PGR: variants seen among roughly 807,000 people sequenced by gnomAD.
PGR encodes nuclear receptor subfamily 3 group C member 3.
PGR carries 25 observed loss-of-function variants against 76.1 expected under a neutral mutation model. That is an observed-to-expected ratio of 0.33 (90% confidence interval 0.24 to 0.46). The LOEUF is 0.46. Ranked by LOEUF, PGR falls within the 20% of genes least tolerant of loss-of-function variation. The pLI is 1.00. For synonymous variants in PGR, 579 were observed against 535.0 expected (o/e 1.08, Z -1.14); for missense variants, 1,172 against 1,225.3 (o/e 0.96, Z 0.65).
chr11:101,046,292 ATTTTTTTTTTTTTTTTTTTTTTTTTT>A (rs540943297), intron 6 of PGR, among the ~76,000 whole-genome samples: 110 of 66,292 alleles, frequency 1.7e-3, no homozygotes, highest in Middle Eastern at 8.6e-3. Flanking sequence ...CGCCTGGCTA[ATTTTTTTTTTTTTTTTTTTTTTTTTT>A]TTTTTTTTTT....
chr11:101,125,838 G>A lies in PGR; in HGVS notation c.1789+169C>T, dbSNP rs760665825. On this transcript the variant is annotated intron_variant, in intron 2 of 7. Coordinates refer to ENST00000325455, the MANE Select transcript of PGR (RefSeq NM_000926.4). ...ATAGTACCCAACCACATTCCATTTT[G>A]AGTATCATAAATAAAAACATATTGT... Among the ~76,000 whole-genome samples the A allele has an allele frequency of 2.7e-4, 41 of 152,032 alleles. 1 individual carries two copies. The highest frequency in any genetic ancestry group is 5.2e-4 in the Admixed American group (8 of 15,266).
intron 2 of PGR, among the ~76,000 whole-genome samples, chr11:101,112,341 A>G (rs1565364490): frequency 6.6e-6 from 1 of 152,132 alleles, no homozygotes; most frequent in Non-Finnish European, 1.5e-5. Context: ...TCCAGTAGAG[A>G]AGGGGAAAAA....
At chr11:101,090,150 A>G (rs1257494042) in intron 3 of PGR, among the ~76,000 whole-genome samples, 2 of 152,036 alleles carry the variant, frequency 1.3e-5, no homozygotes, top group South Asian at 4.1e-4. Context: ...GTGAGCCAAG[A>G]TTGCACCATT....
intron 6 of PGR, among the ~76,000 whole-genome samples, chr11:101,045,862 T>C (rs184032644): frequency 2.0e-4 from 30 of 152,178 alleles, no homozygotes; most frequent in African/African-American, 7.2e-4. Context: ...AGATATCCAG[T>C]GGTGGGATTG....
chr11:101,036,858 A>G lies in PGR; in HGVS notation c.*2258T>C. The G allele has an allele frequency of 5.2e-6, 1 of 192,754 alleles. No homozygotes were observed. The highest frequency in any genetic ancestry group is 1.1e-5 in the Non-Finnish European group (1 of 92,144). The allele number at this position is 192,754 out of a possible 1,614,324, so 11.9% of individuals were successfully genotyped here. ...GGTGGAAATGATTTATATCATCAAA[A>G]TATTGGTTTAATTCAAAGTAACAAG... On this transcript the variant is annotated 3_prime_UTR_variant, in exon 8 of 8. Coordinates refer to ENST00000325455, the MANE Select transcript of PGR (RefSeq NM_000926.4).
chr11:101,085,525 T>TAAAAAAAAAAAA lies in PGR; in HGVS notation c.1906+6223_1906+6234dup, dbSNP rs1212568882. 1.6e-3 allele frequency among the ~76,000 whole-genome samples: 68 copies of TAAAAAAAAAAAA among 42,276 alleles called. 1 individual carries two copies. Among genetic ancestry groups the TAAAAAAAAAAAA allele is most frequent in the Non-Finnish European group, 1.9e-3 (48 of 25,756 alleles). 27.7% of individuals were successfully genotyped at this position (42,276 alleles called of 152,430 possible). A position where few individuals can be genotyped will look rare whatever the true frequency, so the allele number is the denominator to read the frequency against. Reference sequence around the variant, plus strand: ...GACCTAACATCACACCTAGAGGAACTAAAAAAAAAAAAAAAAAAAAAAAAA... The same window carrying TAAAAAAAAAAAA: ...GACCTAACATCACACCTAGAGGAACTAAAAAAAAAAAAAAAAAAAAAAAAAAAAAAAAAAAAA... On this transcript the variant is annotated intron_variant, in intron 3 of 7. Transcript: ENST00000325455.
Position 101,030,863 on chromosome 11 carries a change from G to T in PGR, c.*8253C>A. On this transcript the variant is annotated 3_prime_UTR_variant, in exon 8 of 8. Coordinates refer to ENST00000325455, the MANE Select transcript of PGR (RefSeq NM_000926.4). The stretch of plus-strand genomic sequence containing the variant: ...CCTCCAGCACATAGCAAGAGGAAGT[G>T]AGAGGCTTTCATGATTCAGAAGAAG... 1 of 194,928 alleles carries T rather than the reference G, an allele frequency of 5.1e-6. No homozygotes were observed. Among genetic ancestry groups the T allele is most frequent in the Admixed American group, 6.1e-5 (1 of 16,420 alleles). The allele number at this position is 194,928 out of a possible 1,614,324, so 12.1% of individuals were successfully genotyped here.
chr11:101,050,350 C>T (rs1860043779), intron 5 of PGR, among the ~76,000 whole-genome samples: 2 of 152,028 alleles, frequency 1.3e-5, no homozygotes, highest in Non-Finnish European at 2.9e-5. Context: ...ACTTTAAATA[C>T]CTAAACCAAG....
intron 2 of PGR, among the ~76,000 whole-genome samples, chr11:101,110,381 T>C (rs922751764): frequency 6.6e-6 from 1 of 152,180 alleles, no homozygotes; most frequent in Non-Finnish European, 1.5e-5. Context: ...TGGAAGAAGT[T>C]GATTCAAACC....
At chr11:101,122,341 G>A (rs501732) in intron 2 of PGR, among the ~76,000 whole-genome samples, 106,923 of 152,070 alleles carry the variant, frequency 0.7, 39,396 homozygotes, top group Non-Finnish European at 0.83. Flanking sequence ...AAAGTGTGGC[G>A]TTATCAGTTA....
chr11:101,069,083 C>T (rs989555553), intron 3 of PGR, among the ~76,000 whole-genome samples: 20 of 151,970 alleles, frequency 1.3e-4, no homozygotes, highest in African/African-American at 4.4e-4. Flanking sequence ...GAACAGGCAA[C>T]CTATAGAATG....
chr11:101,050,977 T>C, intron 5 of PGR: 1 of 237,162 alleles, frequency 4.2e-6, no homozygotes, highest in Non-Finnish European at 8.4e-6. Context: ...CAGTTAAAGG[T>C]TGTAGGTAGA....
chr11:101,063,998 A>C (rs1239707353), intron 3 of PGR: 3 of 152,026 alleles, frequency 2.0e-5, no homozygotes, highest in African/African-American at 7.3e-5. Context: ...AACTCAGGGT[A>C]TTGTCATAAA....
At chr11:101,077,003 G>A (rs1591393841) in intron 3 of PGR, among the ~76,000 whole-genome samples, 1 of 80,584 alleles carries the variant, frequency 1.2e-5, no homozygotes, top group Non-Finnish European at 2.6e-5. Flanking sequence ...TTCTTTCTTT[G>A]CTACCTTGGT....
At chr11:101,121,775 T>C (rs187415504) in intron 2 of PGR, among the ~76,000 whole-genome samples, 1 of 152,346 alleles carries the variant, frequency 6.6e-6, no homozygotes, top group African/African-American at 2.4e-5. Context: ...GTTTCACCAG[T>C]ACCTAACATA....
chr11:101,037,432 T>G lies in PGR; in HGVS notation c.*1684A>C, dbSNP rs1859547908. ...TAATACCAGGTATTCAATCAATATT[T>G]GTTGAATGAAATTAGAAATGAAGAA... On this transcript the variant is annotated 3_prime_UTR_variant, in exon 8 of 8. Transcript: ENST00000325455. 4.5e-6 allele frequency: 1 copy of G among 220,084 alleles called. No homozygotes were observed. The highest frequency in any genetic ancestry group is 2.2e-5 in the African/African-American group (1 of 44,788). 13.6% of individuals were successfully genotyped at this position (220,084 alleles called of 1,614,324 possible).
chr11:101,049,494 C>T (rs745942233), intron 6 of PGR, among the ~76,000 whole-genome samples: 1 of 152,030 alleles, frequency 6.6e-6, no homozygotes, highest in Non-Finnish European at 1.5e-5. Context: ...ATTAGTATCA[C>T]CACGAACATG....
chr11:101,084,707 C>T (rs1861434215), intron 3 of PGR, among the ~76,000 whole-genome samples: 1 of 150,950 alleles, frequency 6.6e-6, no homozygotes, highest in Non-Finnish European at 1.5e-5. Flanking sequence ...AAACCAGACT[C>T]ATCCATCTTC....
intron 2 of PGR, among the ~76,000 whole-genome samples, chr11:101,112,583 A>T (rs964020024): frequency 6.6e-6 from 1 of 152,168 alleles, no homozygotes; most frequent in Non-Finnish European, 1.5e-5. Flanking sequence ...GAAAGTGAGG[A>T]CAGGGGAGTG....
Sources: gnomAD v4.1 joint callset for allele counts (sites outside exome capture counted in the v4.1 genomes callset) on GRCh38, gnomAD v4.1.1 for gene constraint, MANE v1.5 for transcripts, NCBI Gene and HGNC (gene_info 2026-07-23, HGNC 2026-07-21) for gene names.